The following SPATA16 variants were observed in gnomAD, a reference collection of about 807,000 sequenced individuals.
SPATA16 encodes the protein spermatogenesis associated 16, also known as spermatogenesis-associated protein 16.
Under a neutral mutation model 63.3 loss-of-function variants are expected in SPATA16, and 36 were observed. The ratio of observed to expected loss-of-function variants is 0.57; its 90% CI spans 0.44 to 0.75. The LOEUF is 0.75. Ranked by LOEUF, SPATA16 falls within the 30% of genes least tolerant of loss-of-function variation. The pLI is 0.00. For missense variants in SPATA16, 646 were observed against 679.3 expected (o/e 0.95, Z 0.54); for synonymous variants, 203 against 216.7 (o/e 0.94, Z 0.56).
At chr3:173,004,069 C>T (rs114940703) in intron 4 of SPATA16, among the ~76,000 whole-genome samples, 45 of 152,222 alleles carry the variant, frequency 3.0e-4, no homozygotes, top group African/African-American at 1.0e-3. Context: ...TTTAGCAGAC[C>T]GATCCAGAAA....
chr3:172,930,147 C>T (rs1185339863), intron 6 of SPATA16, among the ~76,000 whole-genome samples: 4 of 152,218 alleles, frequency 2.6e-5, no homozygotes, highest in Non-Finnish European at 5.9e-5. Context: ...AGTCTCACTG[C>T]TACCAGTGTT....
At chr3:172,993,292 G>T (rs1734622703) in intron 4 of SPATA16, among the ~76,000 whole-genome samples, 1 of 151,904 alleles carries the variant, frequency 6.6e-6, no homozygotes, top group African/African-American at 2.4e-5. Context: ...GGCAATGGAT[G>T]GAATCAGTCA....
At chr3:173,139,336 T>C (rs1284648231) in intron 1 of SPATA16, among the ~76,000 whole-genome samples, 1 of 152,224 alleles carries the variant, frequency 6.6e-6, no homozygotes, top group East Asian at 1.9e-4. Context: ...TTAGTCTTTA[T>C]TTTGCTATAT....
chr3:172,988,785 C>A (rs1162662702), intron 4 of SPATA16, among the ~76,000 whole-genome samples: 1 of 152,032 alleles, frequency 6.6e-6, no homozygotes, highest in Admixed American at 6.5e-5. Flanking sequence ...TACAAGTGCC[C>A]ACCATCACGT....
chr3:173,020,538 T>C (rs931921219), intron 3 of SPATA16, among the ~76,000 whole-genome samples: 18 of 152,190 alleles, frequency 1.2e-4, no homozygotes, highest in Admixed American at 1.1e-3. Flanking sequence ...CTGCTGACTC[T>C]TCCATTATCT....
intron 3 of SPATA16, among the ~76,000 whole-genome samples, chr3:173,043,173 G>C (rs995925184): frequency 3.3e-5 from 5 of 151,992 alleles, no homozygotes; most frequent in African/African-American, 9.7e-5. Context: ...TACTGACGTA[G>C]TTTGATTGAA....
intron 3 of SPATA16, among the ~76,000 whole-genome samples, chr3:173,045,994 CAATAAA>C (rs1220593958): frequency 6.6e-6 from 1 of 151,196 alleles, no homozygotes; most frequent in Non-Finnish European, 1.5e-5. Context: ...TAAAATTTTG[CAATAAA>C]AATAAAAATA....
At chr3:172,968,783 C>G (rs1733977136) in intron 5 of SPATA16, among the ~76,000 whole-genome samples, 2 of 152,162 alleles carry the variant, frequency 1.3e-5, no homozygotes, top group African/African-American at 4.8e-5. Flanking sequence ...TAAAAGTGAA[C>G]CTCTCCTACT....
chr3:172,893,830 G>A (rs1317496379), intron 10 of SPATA16, among the ~76,000 whole-genome samples: 3 of 152,228 alleles, frequency 2.0e-5, no homozygotes, highest in South Asian at 4.1e-4. Context: ...TGCTGGGCTT[G>A]AATTTAGGCT....
At chr3:172,908,414 C>G (rs1294380360) in intron 10 of SPATA16, among the ~76,000 whole-genome samples, 1 of 152,154 alleles carries the variant, frequency 6.6e-6, no homozygotes, top group East Asian at 1.9e-4. Context: ...CTCTGCAAAG[C>G]CAAACCAAAA....
At chr3:173,104,433 G>C (rs116381706) in intron 2 of SPATA16, among the ~76,000 whole-genome samples, 131 of 152,248 alleles carry the variant, frequency 8.6e-4, no homozygotes, top group African/African-American at 3.0e-3. Context: ...GGTTTAGTTG[G>C]CTTACAGTTC....
chr3:172,923,688 A>G (rs930248716), intron 8 of SPATA16, among the ~76,000 whole-genome samples: 4 of 152,212 alleles, frequency 2.6e-5, no homozygotes, highest in Non-Finnish European at 5.9e-5. Flanking sequence ...TAGAAAAGGC[A>G]TATTTTTCCT....
chr3:173,111,985 T>A (rs1424968310), intron 2 of SPATA16, among the ~76,000 whole-genome samples: 6 of 152,146 alleles, frequency 3.9e-5, no homozygotes. Context: ...ATTTTGAGAG[T>A]ATGACCTCTC....
intron 1 of SPATA16, among the ~76,000 whole-genome samples, chr3:173,140,548 A>G (rs1003301269): frequency 2.6e-5 from 4 of 152,196 alleles, no homozygotes; most frequent in African/African-American, 7.2e-5. Context: ...GACATGGTCT[A>G]TGTCTTACAG....
At chr3:173,033,745 CCCA>C (rs1380119993) in intron 3 of SPATA16, among the ~76,000 whole-genome samples, 1 of 152,134 alleles carries the variant, frequency 6.6e-6, no homozygotes, top group East Asian at 1.9e-4. Context: ...CACTCTGACA[CCCA>C]GGCTGAAGTG....
At chr3:172,996,723 G>A (rs1042038378) in intron 4 of SPATA16, among the ~76,000 whole-genome samples, 12 of 151,990 alleles carry the variant, frequency 7.9e-5, no homozygotes, top group Non-Finnish European at 1.2e-4. Context: ...TTTGACAAAC[G>A]TACAATGATA....
At chr3:172,937,830 G>C (rs1429224778) in intron 6 of SPATA16, among the ~76,000 whole-genome samples, 1 of 152,128 alleles carries the variant, frequency 6.6e-6, no homozygotes, top group East Asian at 1.9e-4. Flanking sequence ...TGTTTGGGTG[G>C]ATATAGGATC....
intron 5 of SPATA16, among the ~76,000 whole-genome samples, chr3:172,961,075 TTC>T (rs1560080374): frequency 5.4e-5 from 7 of 129,842 alleles, no homozygotes; most frequent in African/African-American, 2.3e-4. Context: ...TCTTTCTTCC[TTC>T]CTTCCTTCCT....
At chr3:172,903,303 G>T (rs545671271) in intron 10 of SPATA16, among the ~76,000 whole-genome samples, 46 of 152,270 alleles carry the variant, frequency 3.0e-4, no homozygotes, top group African/African-American at 1.1e-3. Flanking sequence ...ACTGAAATTT[G>T]GAAAGATGCA....
Sources: allele counts gnomAD v4.1 joint callset (sites outside exome capture counted in the v4.1 genomes callset), GRCh38; gene constraint gnomAD v4.1.1; transcripts MANE v1.5; gene names NCBI Gene and HGNC (gene_info 2026-07-23, HGNC 2026-07-21).